SLC26A8: variants seen among roughly 807,000 people sequenced by gnomAD.
The protein encoded by SLC26A8 is testis anion transporter 1.
A neutral mutation model predicts 105.0 loss-of-function variants in SLC26A8; 70 were observed. That is an observed-to-expected ratio of 0.67 (90% CI 0.55 to 0.81). The LOEUF is 0.81. SLC26A8 is among the 40% of genes least tolerant of loss of function. SLC26A8 has a pLI of 0.00. For synonymous variants in SLC26A8, 415 were observed against 438.3 expected, an observed-to-expected ratio of 0.95 and a Z score of 0.66; for missense variants, 998 against 1,181.8, an observed-to-expected ratio of 0.84 and a Z score of 2.28.
chr6:35,961,633 G>A (rs1297772271), intron 12 of SLC26A8, among the ~76,000 whole-genome samples: 1 of 152,140 alleles, frequency 6.6e-6, no homozygotes, highest in Non-Finnish European at 1.5e-5. Flanking sequence ...CGTCCCTTTG[G>A]AAGTGTTATG....
At chr6:36,017,039 G>C (rs1260100612) in intron 2 of SLC26A8, among the ~76,000 whole-genome samples, 2 of 152,068 alleles carry the variant, frequency 1.3e-5, no homozygotes, top group Non-Finnish European at 2.9e-5. Context: ...GGGTGTGGTG[G>C]CGCACACCTG....
intron 7 of SLC26A8, among the ~76,000 whole-genome samples, chr6:35,983,670 G>A (rs1773370762): frequency 6.6e-6 from 1 of 151,904 alleles, no homozygotes. Context: ...TCATGCCTCA[G>A]CTTCCTAAGT....
At position 35,944,137 on chromosome 6, in the gene SLC26A8, G is replaced by C; in HGVS notation, c.2676C>G (p.Thr892=). 6.2e-7 allele frequency: 1 copy of C among 1,614,006 alleles called. No individual in the cohort carries two copies. The highest frequency in any genetic ancestry group is 8.5e-7 in the Non-Finnish European group (1 of 1,179,986). ...LEPEMEPKAE[T]ETKTQTEMEP... is the part of the protein sequence containing the mutation. Reference sequence around the variant, plus strand: ...CCATCTCGGTCTGGGTCTTGGTCTCGGTCTCAGCCTTGGGCTCCATTTCAG... The same window carrying C: ...CCATCTCGGTCTGGGTCTTGGTCTCCGTCTCAGCCTTGGGCTCCATTTCAG... Residue 892 remains threonine, a synonymous_variant, in exon 20 of 20, where the codon ACC becomes ACG. Transcript: ENST00000490799.
intron 11 of SLC26A8, among the ~76,000 whole-genome samples, chr6:35,964,952 G>C (rs1464306927): frequency 7.1e-6 from 1 of 140,950 alleles, no homozygotes; most frequent in Non-Finnish European, 1.5e-5. Context: ...GGGCAAGAGA[G>C]TGAGACCATG....
chr6:35,971,981 A>G (rs1772815740), intron 10 of SLC26A8, among the ~76,000 whole-genome samples: 1 of 152,190 alleles, frequency 6.6e-6, no homozygotes, highest in African/African-American at 2.4e-5. Flanking sequence ...GGCTCATCAC[A>G]TCCCCTTTGC....
chr6:35,978,847 T>C (rs893859870), intron 8 of SLC26A8, among the ~76,000 whole-genome samples: 14 of 150,292 alleles, frequency 9.3e-5, no homozygotes, highest in South Asian at 6.3e-4. Context: ...TCTTCTTCTT[T>C]TTTTTTTTTT....
intron 5 of SLC26A8, among the ~76,000 whole-genome samples, chr6:35,993,541 A>G (rs932604022): frequency 6.6e-6 from 1 of 152,188 alleles, no homozygotes; most frequent in African/African-American, 2.4e-5. Flanking sequence ...AAGGTATTTT[A>G]CATGTCAATA....
Position 36,012,357 on chromosome 6 carries a change from C to G in SLC26A8, c.204G>C (p.Arg68Ser). The change falls in exon 3 of 20, where the codon AGG (arginine) becomes AGC (serine). Residue 68 changes from arginine (R) to serine (S), a missense_variant. By Grantham distance (110) the Arg-to-Ser change is moderately radical (BLOSUM62 -1). Coordinates refer to ENST00000490799, the MANE Select transcript of SLC26A8 (RefSeq NM_052961.4). ...AGATTGTAAGCACGCATCGTAGGAA[C>G]CTGTGCCATGAGCAGCTGTGAGAGA... ...HHVQCRCSWH[R>S]FLRCVLTIFP... 1 of 1,589,910 alleles carries G rather than the reference C, an allele frequency of 6.3e-7. No individual in the cohort carries two copies. Among genetic ancestry groups the G allele is most frequent in the Non-Finnish European group, 8.5e-7 (1 of 1,171,886 alleles).
At position 35,943,980 on chromosome 6, in the gene SLC26A8, T is replaced by C; in HGVS notation, c.2833A>G (p.Thr945Ala). The part of the protein sequence containing the change: ...SMASTQSQTQ[T>A]RTWSVERRRH... Reference sequence around the variant, plus strand: ...CTCCTCTCCACTGACCATGTCCGAGTCTGAGTCTGAGACTGGGTGGAAGCC... The same window carrying C: ...CTCCTCTCCACTGACCATGTCCGAGCCTGAGTCTGAGACTGGGTGGAAGCC... Residue 945 changes from threonine (T) to alanine (A), a missense_variant, in exon 20 of 20, where the codon ACT becomes GCT. Physicochemically the swap from Thr to Ala is moderately conservative, Grantham distance 58. Transcript: ENST00000490799. 6.2e-7 allele frequency: 1 copy of C among 1,614,162 alleles called. No individual in the cohort carries two copies. The highest frequency in any genetic ancestry group is 1.1e-5 in the South Asian group (1 of 91,074).
intron 8 of SLC26A8, 35 bp downstream of exon 8, chr6:35,982,086 A>G: frequency 6.2e-7 from 1 of 1,602,718 alleles, no homozygotes; most frequent in Non-Finnish European, 8.5e-7. Context: ...GGTATCAGAA[A>G]GAGAAAAGCA....
At chr6:36,009,872 C>T (rs1201018874) in intron 3 of SLC26A8, among the ~76,000 whole-genome samples, 1 of 152,186 alleles carries the variant, frequency 6.6e-6, no homozygotes, top group African/African-American at 2.4e-5. Context: ...TGGGTTCTAT[C>T]TGTTGTTTCT....
At chr6:35,997,297 A>G (rs6908108) in intron 5 of SLC26A8, among the ~76,000 whole-genome samples, 85,248 of 151,896 alleles carry the variant, frequency 0.56, 24,269 homozygotes, top group South Asian at 0.71. Flanking sequence ...ACATGCGAGG[A>G]ATCTAGGTTG....
intron 2 of SLC26A8, among the ~76,000 whole-genome samples, chr6:36,014,704 AC>A (rs910711203): frequency 2.4e-4 from 37 of 152,040 alleles, no homozygotes; most frequent in African/African-American, 8.5e-4. Context: ...ATATGGCGAA[AC>A]CCCGTCTCTA....
chr6:35,952,991 G>A (rs1771932063), intron 17 of SLC26A8, among the ~76,000 whole-genome samples: 1 of 141,606 alleles, frequency 7.1e-6, no homozygotes, highest in African/African-American at 2.7e-5. Context: ...TCCAGCCTGG[G>A]CGACACAGCA....
intron 11 of SLC26A8, among the ~76,000 whole-genome samples, chr6:35,965,682 CAA>C (rs1293607391): frequency 2.6e-4 from 18 of 68,908 alleles, no homozygotes; most frequent in Middle Eastern, 0.011. Flanking sequence ...AACTCCATCT[CAA>C]AAAAAAAAAA....
intron 3 of SLC26A8, among the ~76,000 whole-genome samples, chr6:36,003,772 C>T (rs1428327012): frequency 1.3e-5 from 2 of 151,850 alleles, no homozygotes; most frequent in Non-Finnish European, 2.9e-5. Context: ...CGCCATTCTC[C>T]TGCCTCAGCC....
chr6:35,995,341 C>T (rs982174576), intron 5 of SLC26A8, among the ~76,000 whole-genome samples: 14 of 152,160 alleles, frequency 9.2e-5, no homozygotes, highest in African/African-American at 3.1e-4. Flanking sequence ...ACCTATCTGC[C>T]ATTCTTATAG....
chr6:35,997,307 G>A (rs546944490), intron 5 of SLC26A8, among the ~76,000 whole-genome samples: 1 of 152,146 alleles, frequency 6.6e-6, no homozygotes, highest in Non-Finnish European at 1.5e-5. Flanking sequence ...AATCTAGGTT[G>A]CATGCTCCTT....
Position 35,962,526 on chromosome 6 carries a change from A to C in SLC26A8, c.1461T>G (p.Cys487Trp). The change falls in exon 12 of 20, where the codon TGT becomes TGG. Residue 487 changes from cysteine to tryptophan, a missense_variant and splice_region_variant. Physicochemically the swap from Cys to Trp is radical, Grantham distance 215. Transcript: ENST00000490799. ...CCTCAGCCAGGGCATCTACACTCAC[A>C]CAGTCATATTGGTCCTGCCTCCACA... ...PSLWRQDQYD[C>W]ALWMMTFSSS... 1 of 1,613,308 alleles carries C rather than the reference A, an allele frequency of 6.2e-7. No individual in the cohort carries two copies. The highest frequency in any genetic ancestry group is 1.3e-5 in the African/African-American group (1 of 74,960).
Sources: allele counts gnomAD v4.1 joint callset (sites outside exome capture counted in the v4.1 genomes callset), GRCh38; gene constraint gnomAD v4.1.1; transcripts MANE v1.5; gene names NCBI Gene and HGNC (gene_info 2026-07-23, HGNC 2026-07-21).